ZNF804A: variants seen among roughly 807,000 people sequenced by gnomAD.
ZNF804A encodes the protein zinc finger protein 804A.
Under a neutral mutation model 16.5 loss-of-function variants are expected in ZNF804A, and 2 were observed. The ratio of observed to expected loss-of-function variants is 0.12; its 90% CI spans 0.05 to 0.38. The LOEUF (loss-of-function observed/expected upper bound fraction) is 0.38. Among genes scored for constraint, ZNF804A ranks in the 10% least tolerant of loss-of-function variants. ZNF804A has a pLI of 0.99. For missense variants in ZNF804A, 1,473 were observed against 1,390.7 expected (o/e 1.06, Z -0.94); for synonymous variants, 534 against 489.6 (o/e 1.09, Z -1.20).
At chr2:184,863,311 G>T (rs998527309) in intron 1 of ZNF804A, among the ~76,000 whole-genome samples, 1 of 152,114 alleles carries the variant, frequency 6.6e-6, no homozygotes, top group Non-Finnish European at 1.5e-5. Flanking sequence ...GAAATGAAAA[G>T]AATCAGGATT....
intron 1 of ZNF804A, among the ~76,000 whole-genome samples, chr2:184,648,606 G>C (rs1432092760): frequency 6.6e-6 from 1 of 151,912 alleles, no homozygotes. Flanking sequence ...ATCTGCCATA[G>C]AAATGAAAAA....
intron 1 of ZNF804A, among the ~76,000 whole-genome samples, chr2:184,771,803 G>C (rs1694219621): frequency 6.6e-6 from 1 of 151,968 alleles, no homozygotes; most frequent in South Asian, 2.1e-4. Context: ...GCTTTATCAA[G>C]GCCACTAGGA....
intron 1 of ZNF804A, among the ~76,000 whole-genome samples, chr2:184,835,342 A>G (rs1695325732): frequency 1.3e-5 from 2 of 152,262 alleles, no homozygotes; most frequent in South Asian, 4.1e-4. Context: ...TCATATTTAT[A>G]TCCACCTTTA....
intron 1 of ZNF804A, among the ~76,000 whole-genome samples, chr2:184,856,006 A>G (rs528190260): frequency 6.6e-6 from 1 of 152,086 alleles, no homozygotes. Context: ...TTTACTGATA[A>G]ATGGAGAAAT....
At position 184,936,421 on chromosome 2, in the gene ZNF804A, T is replaced by A. The variant is rs767729772; in HGVS notation, c.1025T>A (p.Ile342Asn). Residue 342 changes from isoleucine to asparagine, a missense_variant, in exon 4 of 4, where the codon ATT becomes AAT. By Grantham distance (149) the Ile-to-Asn change is moderately radical. Coordinates refer to ENST00000302277, the MANE Select transcript of ZNF804A (RefSeq NM_194250.2). ...ADQIPLESVV[I>N]NEDIPVSGNS... ...CAAATACCACTAGAGAGTGTTGTTA[T>A]TAATGAAGACATACCTGTTAGTGGT... 11 of 1,613,998 alleles carry A rather than the reference T, an allele frequency of 6.8e-6. No individual in the cohort carries two copies. Among genetic ancestry groups the A allele is most frequent in the Non-Finnish European group, 8.5e-6 (10 of 1,179,938 alleles).
intron 1 of ZNF804A, among the ~76,000 whole-genome samples, chr2:184,778,784 A>G (rs1332196319): frequency 6.6e-6 from 1 of 151,638 alleles, no homozygotes; most frequent in Non-Finnish European, 1.5e-5. Flanking sequence ...GGTACAGAGG[A>G]AAATTATATA....
chr2:184,825,386 A>C (rs1695147276), intron 1 of ZNF804A, among the ~76,000 whole-genome samples: 1 of 152,176 alleles, frequency 6.6e-6, no homozygotes, highest in East Asian at 1.9e-4. Context: ...GGCACAGAGG[A>C]TACATTGATG....
chr2:184,938,308 GC>G lies in ZNF804A; in HGVS notation c.2914del (p.His972IlefsTer13), dbSNP rs1290023766. On this transcript the variant is annotated frameshift_variant, in exon 4 of 4. Transcript: ENST00000302277. LOFTEE classifies it high-confidence loss of function. ...FRQSQPKSYL[C>X]HYELAEALPQ... ...CAGTCACAGCCTAAATCCTATCTTTGCCATTATGAACTGGCTGAGGCCCTTC... is the reference window on the plus strand; with the variant it reads ...CAGTCACAGCCTAAATCCTATCTTTGCATTATGAACTGGCTGAGGCCCTTC... 6.2e-7 allele frequency: 1 copy of G among 1,613,966 alleles called. No homozygotes were observed. The highest frequency in any genetic ancestry group is 8.5e-7 in the Non-Finnish European group (1 of 1,180,012).
At chr2:184,708,348 T>A (rs1693065427) in intron 1 of ZNF804A, among the ~76,000 whole-genome samples, 1 of 152,082 alleles carries the variant, frequency 6.6e-6, no homozygotes. Context: ...AAAGCTATTC[T>A]AAATAAAAAG....
At chr2:184,833,009 C>A (rs1395384304) in intron 1 of ZNF804A, among the ~76,000 whole-genome samples, 1 of 152,052 alleles carries the variant, frequency 6.6e-6, no homozygotes, top group East Asian at 1.9e-4. Flanking sequence ...AATATTTTCC[C>A]AGCAGTGAGA....
At chr2:184,638,959 A>G (rs1691747129) in intron 1 of ZNF804A, among the ~76,000 whole-genome samples, 1 of 151,416 alleles carries the variant, frequency 6.6e-6, no homozygotes, top group African/African-American at 2.4e-5. Flanking sequence ...AGTTTATACT[A>G]TTTAAGTTGT....
chr2:184,653,380 C>T (rs1334676576), intron 1 of ZNF804A, among the ~76,000 whole-genome samples: 2 of 152,066 alleles, frequency 1.3e-5, no homozygotes, highest in Non-Finnish European at 2.9e-5. Flanking sequence ...TTACCAGTGG[C>T]GAATCCATAT....
At position 184,696,679 on chromosome 2, in the gene ZNF804A, CAT is replaced by C. The variant is rs569580653; in HGVS notation, c.111+97612_111+97613del. 1.8e-3 allele frequency among the ~76,000 whole-genome samples: 280 copies of C among 152,162 alleles called. 1 individual carries two copies. Among genetic ancestry groups the C allele is most frequent in the Middle Eastern group, 3.4e-3 (1 of 294 alleles). ...ACAATACAGTTTTATTATAAATTAA[CAT>C]ATGGTTTTTCACAGAAATCTGAAGT... is the stretch of plus-strand genomic sequence containing the variant. On this transcript the variant is annotated intron_variant, in intron 1 of 3. Transcript: ENST00000302277.
At chr2:184,715,934 T>C (rs1293623675) in intron 1 of ZNF804A, among the ~76,000 whole-genome samples, 5 of 152,148 alleles carry the variant, frequency 3.3e-5, no homozygotes, top group African/African-American at 9.6e-5. Flanking sequence ...TTTTAATGAA[T>C]GAATAAGTTC....
chr2:184,870,899 T>C (rs1449778822), intron 2 of ZNF804A, among the ~76,000 whole-genome samples: 1 of 151,876 alleles, frequency 6.6e-6, no homozygotes, highest in Non-Finnish European at 1.5e-5. Flanking sequence ...ATGATAATAA[T>C]AGCAACAATT....
chr2:184,722,113 G>A (rs181642547), intron 1 of ZNF804A, among the ~76,000 whole-genome samples: 22 of 151,788 alleles, frequency 1.4e-4, no homozygotes, highest in Admixed American at 8.6e-4. Context: ...GTATGGGTTG[G>A]GGGGGATGAA....
At chr2:184,820,621 C>A (rs1451695753) in intron 1 of ZNF804A, among the ~76,000 whole-genome samples, 1 of 152,024 alleles carries the variant, frequency 6.6e-6, no homozygotes, top group Non-Finnish European at 1.5e-5. Flanking sequence ...GAGAGGAAGT[C>A]AAATTATCTT....
At chr2:184,850,647 A>G (rs1231610615) in intron 1 of ZNF804A, among the ~76,000 whole-genome samples, 1 of 151,630 alleles carries the variant, frequency 6.6e-6, no homozygotes, top group Non-Finnish European at 1.5e-5. Flanking sequence ...TACACTACAT[A>G]TAAATTTCAT....
rs897744377 is a variant in ZNF804A, at chr2:184,775,378, A to G, written c.112-90991A>G. Among the ~76,000 whole-genome samples, 5 of 151,730 alleles carry G rather than the reference A, an allele frequency of 3.3e-5. 1 individual carries two copies. The highest frequency in any genetic ancestry group is 7.4e-5 in the Non-Finnish European group (5 of 67,784). ...AAGAAAGGAGAATCTCCTGCATGCC[A>G]GTGTAGTAATAGTCATTGTGAAGGA... On this transcript the variant is annotated intron_variant, in intron 1 of 3. Transcript: ENST00000302277.
Sources: allele counts gnomAD v4.1 joint callset (sites outside exome capture counted in the v4.1 genomes callset), GRCh38; gene constraint gnomAD v4.1.1; transcripts MANE v1.5; gene names NCBI Gene and HGNC (gene_info 2026-07-23, HGNC 2026-07-21).